GLIS1: variants seen among roughly 807,000 people sequenced by gnomAD.
GLIS1 encodes the protein zinc finger protein GLIS1.
GLIS1 carries 24 observed loss-of-function variants against 63.8 expected under a neutral mutation model. The observed-to-expected ratio is 0.38, with a 90% CI of 0.27 to 0.53. The LOEUF (loss-of-function observed/expected upper bound fraction) is 0.53, where lower values mean the gene tolerates loss of function less well. GLIS1 is among the 20% of genes least tolerant of loss of function. The pLI, the probability that GLIS1 is intolerant of heterozygous loss-of-function variation, is 0.85. For synonymous variants in GLIS1, 450 were observed against 482.5 expected (o/e 0.93, Z 0.88); for missense variants, 1,036 against 1,074.1 (o/e 0.96, Z 0.50).
chr1:53,636,390 T>C (rs1470372914), intron 2 of GLIS1, among the ~76,000 whole-genome samples: 3 of 151,922 alleles, frequency 2.0e-5, no homozygotes, highest in Non-Finnish European at 4.4e-5. Context: ...TGATAAAAAT[T>C]CGACATCCAC....
intron 2 of GLIS1, among the ~76,000 whole-genome samples, chr1:53,659,062 C>T (rs566589202): frequency 6.6e-6 from 1 of 152,284 alleles, no homozygotes; most frequent in Admixed American, 6.5e-5. Flanking sequence ...GGCACAGCAG[C>T]GTTTACTGAT....
chr1:53,735,486 A>G (rs747688832), intron 2 of GLIS1, among the ~76,000 whole-genome samples: 8 of 152,234 alleles, frequency 5.3e-5, no homozygotes, highest in Non-Finnish European at 1.2e-4. Flanking sequence ...CCTAAAAATA[A>G]CCAGGCACTG....
At chr1:53,584,717 A>G (rs1470783538) in intron 4 of GLIS1, among the ~76,000 whole-genome samples, 2 of 152,104 alleles carry the variant, frequency 1.3e-5, no homozygotes, top group Non-Finnish European at 1.5e-5. Context: ...TCTCCTCAGC[A>G]TCTCGGTCTT....
At chr1:53,589,631 A>G (rs56131970) in intron 4 of GLIS1, among the ~76,000 whole-genome samples, 339 of 152,356 alleles carry the variant, frequency 2.2e-3, no homozygotes, top group Non-Finnish European at 3.9e-3. Context: ...CACCTGGGAC[A>G]GACTGGCAAA....
chr1:53,705,049 T>C (rs1312283145), intron 2 of GLIS1, among the ~76,000 whole-genome samples: 1 of 152,156 alleles, frequency 6.6e-6, no homozygotes, highest in East Asian at 1.9e-4. Flanking sequence ...CTAACAGCAT[T>C]GCGCCAAAGA....
intron 4 of GLIS1, among the ~76,000 whole-genome samples, chr1:53,572,805 T>C (rs961259429): frequency 6.6e-6 from 1 of 152,188 alleles, no homozygotes; most frequent in Non-Finnish European, 1.5e-5. Context: ...TGCCTGGAGC[T>C]GGGGCAAGGG....
At chr1:53,732,988 T>G (rs1272969367) in intron 2 of GLIS1, among the ~76,000 whole-genome samples, 1 of 152,178 alleles carries the variant, frequency 6.6e-6, no homozygotes, top group Non-Finnish European at 1.5e-5. Flanking sequence ...TAAAGTTTAT[T>G]TGTTTGTTAT....
chr1:53,542,470 G>A (rs934550535), intron 4 of GLIS1, among the ~76,000 whole-genome samples: 3 of 152,204 alleles, frequency 2.0e-5, no homozygotes, highest in Non-Finnish European at 2.9e-5. Context: ...ATCTGTTAAT[G>A]AATGAAAGAA....
intron 2 of GLIS1, among the ~76,000 whole-genome samples, chr1:53,728,019 ACTGGG>A (rs1203908475): frequency 6.6e-6 from 1 of 152,218 alleles, no homozygotes; most frequent in Admixed American, 6.5e-5. Flanking sequence ...GCTCCTTGAG[ACTGGG>A]CTGTACTTCA....
rs527801498 is a variant in GLIS1 at position 53,633,423 on chromosome 1, T to G, written c.260-33145A>C. ...TGACTGAGGGGTGTGTGTATGAGTG[T>G]GACTGAGGGGTGTGAATGAGTGTGA... On this transcript the variant is annotated intron_variant, in intron 2 of 10. Transcript: ENST00000628545. Among the ~76,000 whole-genome samples, 17 of 147,794 alleles carry G rather than the reference T, an allele frequency of 1.2e-4. No individual in the cohort carries two copies. In the South Asian group the frequency reaches 3.7e-3, roughly 32 times the overall value.
chr1:53,600,943 TG>T (rs1645311105), intron 2 of GLIS1, among the ~76,000 whole-genome samples: 1 of 152,234 alleles, frequency 6.6e-6, no homozygotes, highest in Non-Finnish European at 1.5e-5. Context: ...CTGAAGCAGT[TG>T]ATGTGAAAGT....
intron 2 of GLIS1, among the ~76,000 whole-genome samples, chr1:53,716,349 G>A (rs754838796): frequency 6.6e-5 from 10 of 152,146 alleles, no homozygotes; most frequent in Non-Finnish European, 1.3e-4. Context: ...ACTAAGCTAG[G>A]CAAGGAAGGA....
chr1:53,650,489 C>T (rs1252897837), intron 2 of GLIS1, among the ~76,000 whole-genome samples: 1 of 150,576 alleles, frequency 6.6e-6, no homozygotes, highest in Non-Finnish European at 1.5e-5. Flanking sequence ...ACATGGGAAG[C>T]TAAGGCAGGA....
chr1:53,709,417 C>CATATTTAT (rs879357045), intron 2 of GLIS1, among the ~76,000 whole-genome samples: 1 of 122,786 alleles, frequency 8.1e-6, no homozygotes, highest in African/African-American at 3.7e-5. Context: ...TATATACACA[C>CATATTTAT]ACACACACAC....
intron 2 of GLIS1, among the ~76,000 whole-genome samples, chr1:53,651,911 C>T (rs960733265): frequency 2.0e-5 from 3 of 151,356 alleles, no homozygotes; most frequent in African/African-American, 7.3e-5. Context: ...AAGCGGGGCA[C>T]CCCAAGGCCT....
At chr1:53,731,264 C>T (rs1329778575) in intron 2 of GLIS1, among the ~76,000 whole-genome samples, 1 of 152,212 alleles carries the variant, frequency 6.6e-6, no homozygotes, top group African/African-American at 2.4e-5. Flanking sequence ...TCCTGAGTCA[C>T]TGGGAACATT....
chr1:53,519,536 G>A (rs955787022), intron 7 of GLIS1, among the ~76,000 whole-genome samples: 3 of 152,246 alleles, frequency 2.0e-5, no homozygotes, highest in South Asian at 2.1e-4. Flanking sequence ...TAGGGGAGTC[G>A]GGGGTAGAGC....
chr1:53,607,143 A>G (rs2948040), intron 2 of GLIS1, among the ~76,000 whole-genome samples: 111,912 of 152,188 alleles, frequency 0.74, 41,469 homozygotes, highest in Middle Eastern at 0.85. Flanking sequence ...ATTAGAAAAT[A>G]GATATCACCT....
At chr1:53,709,425 C>CATATAT (rs1646622424) in intron 2 of GLIS1, among the ~76,000 whole-genome samples, 1 of 31,172 alleles carries the variant, frequency 3.2e-5, no homozygotes, top group African/African-American at 6.7e-5. Flanking sequence ...CACACACACA[C>CATATAT]ACACACACAC....
Sources: gnomAD v4.1 joint callset for allele counts (sites outside exome capture counted in the v4.1 genomes callset) on GRCh38, gnomAD v4.1.1 for gene constraint, MANE v1.5 for transcripts, NCBI Gene and HGNC (gene_info 2026-07-23, HGNC 2026-07-21) for gene names.